CELF4: variants seen among roughly 807,000 people sequenced by gnomAD.
The protein encoded by CELF4 is CUG-BP- and ETR-3-like factor 4.
CELF4 carries 18 observed loss-of-function variants against 59.9 expected under a neutral mutation model. The ratio of observed to expected loss-of-function variants is 0.30; its 90% confidence interval spans 0.21 to 0.45. CELF4 has a LOEUF of 0.45. Ranked by LOEUF, CELF4 falls within the 20% of genes least tolerant of loss-of-function variation. CELF4 has a pLI of 1.00. For synonymous variants in CELF4, 261 were observed against 267.1 expected (o/e 0.98, Z 0.22); for missense variants, 456 against 689.0 (o/e 0.66, Z 3.79).
At chr18:37,513,378 T>A (rs1006684160) in intron 1 of CELF4, among the ~76,000 whole-genome samples, 1 of 152,154 alleles carries the variant, frequency 6.6e-6, no homozygotes, top group Non-Finnish European at 1.5e-5. Context: ...GTGAGCAAAC[T>A]GAGAGTTGGA....
intron 1 of CELF4, among the ~76,000 whole-genome samples, chr18:37,546,494 C>T (rs1011726439): frequency 2.0e-5 from 3 of 152,314 alleles, no homozygotes; most frequent in African/African-American, 4.8e-5. Context: ...TGTGGACAGA[C>T]GTGGTCCTGG....
intron 3 of CELF4, among the ~76,000 whole-genome samples, chr18:37,295,092 A>AG (rs1028230532): frequency 1.6e-3 from 241 of 152,258 alleles, no homozygotes; most frequent in African/African-American, 5.6e-3. Context: ...GAAAGCAGGG[A>AG]GGAGGCATTT....
chr18:37,249,845 AG>A (rs2064339725), intron 12 of CELF4, among the ~76,000 whole-genome samples: 1 of 152,120 alleles, frequency 6.6e-6, no homozygotes, highest in Non-Finnish European at 1.5e-5. Context: ...TCTCAAGCAA[AG>A]GAGGGCCAGG....
At chr18:37,391,910 G>A (rs1303471090) in intron 2 of CELF4, among the ~76,000 whole-genome samples, 1 of 152,184 alleles carries the variant, frequency 6.6e-6, no homozygotes, top group African/African-American at 2.4e-5. Context: ...TTTCAGCTGC[G>A]GAGTTTCGCC....
chr18:37,324,969 A>G (rs922575004), intron 2 of CELF4, among the ~76,000 whole-genome samples: 1 of 152,206 alleles, frequency 6.6e-6, no homozygotes, highest in African/African-American at 2.4e-5. Context: ...TGCTGGGAAC[A>G]GGTGGAATGG....
chr18:37,546,931 G>C (rs2099981595), intron 1 of CELF4, among the ~76,000 whole-genome samples: 1 of 152,072 alleles, frequency 6.6e-6, no homozygotes, highest in Admixed American at 6.5e-5. Flanking sequence ...CATCTCTCCT[G>C]TCCAGCACAT....
chr18:37,322,091 G>C (rs187140057), intron 2 of CELF4, among the ~76,000 whole-genome samples: 3 of 152,230 alleles, frequency 2.0e-5, no homozygotes, highest in African/African-American at 7.2e-5. Flanking sequence ...ATTCTTTCAG[G>C]GGGGTGTCTC....
chr18:37,268,561 CATCTGGCAGAGT>C (rs1371813782), intron 8 of CELF4, among the ~76,000 whole-genome samples: 2 of 152,222 alleles, frequency 1.3e-5, no homozygotes, highest in Admixed American at 1.3e-4. Context: ...ACATCATAAG[CATCTGGCAGAGT>C]ATGATGAAAA....
At chr18:37,439,975 C>G (rs1302830350) in intron 2 of CELF4, among the ~76,000 whole-genome samples, 1 of 152,174 alleles carries the variant, frequency 6.6e-6, no homozygotes, top group African/African-American at 2.4e-5. Flanking sequence ...ACTTCTGGTC[C>G]TGGGGATGGC....
intron 11 of CELF4, among the ~76,000 whole-genome samples, chr18:37,255,156 G>A (rs552182169): frequency 6.6e-5 from 10 of 152,232 alleles, no homozygotes; most frequent in Admixed American, 3.9e-4. Flanking sequence ...TCCCATGAAC[G>A]TGCCCGTTGC....
At chr18:37,524,101 C>T (rs1358260322) in intron 1 of CELF4, among the ~76,000 whole-genome samples, 1 of 152,232 alleles carries the variant, frequency 6.6e-6, no homozygotes, top group African/African-American at 2.4e-5. Flanking sequence ...TGACTGTCAC[C>T]AGGCACAGTG....
At chr18:37,513,502 A>T (rs1052769360) in intron 1 of CELF4, among the ~76,000 whole-genome samples, 1 of 152,136 alleles carries the variant, frequency 6.6e-6, no homozygotes, top group Non-Finnish European at 1.5e-5. Flanking sequence ...TTCCAAAGAG[A>T]AAGGCATGGA....
chr18:37,259,160 C>T, intron 11 of CELF4, 21 bp downstream of exon 11: 1 of 1,613,598 alleles, frequency 6.2e-7, no homozygotes, highest in Non-Finnish European at 8.5e-7. Flanking sequence ...TCCACAAACA[C>T]TTTCGAGGAG....
intron 2 of CELF4, among the ~76,000 whole-genome samples, chr18:37,434,907 G>A: frequency 6.6e-6 from 1 of 152,138 alleles, no homozygotes; most frequent in African/African-American, 2.4e-5. Flanking sequence ...CCTGAGCAGG[G>A]AAAATGGGCA....
intron 9 of CELF4, among the ~76,000 whole-genome samples, chr18:37,265,166 G>A (rs529524606): frequency 5.9e-5 from 9 of 151,746 alleles, no homozygotes; most frequent in East Asian, 3.9e-4. Context: ...ATGTGTGTGC[G>A]TGCGTGTACA....
chr18:37,390,443 T>C (rs1230034356), intron 2 of CELF4, among the ~76,000 whole-genome samples: 1 of 152,154 alleles, frequency 6.6e-6, no homozygotes, highest in South Asian at 2.1e-4. Context: ...AGGGTAGCTC[T>C]TTCAGGGCAG....
At chr18:37,562,092 A>T (rs8089968) in intron 1 of CELF4, among the ~76,000 whole-genome samples, 12 of 152,214 alleles carry the variant, frequency 7.9e-5, no homozygotes, top group South Asian at 4.1e-4. Flanking sequence ...TTACCTTTAC[A>T]GTAATCACCC....
intron 3 of CELF4, among the ~76,000 whole-genome samples, chr18:37,298,541 G>A (rs992927103): frequency 5.9e-5 from 9 of 152,098 alleles, no homozygotes; most frequent in African/African-American, 9.6e-5. Flanking sequence ...GCAACATGGC[G>A]AAACATGGCA....
chr18:37,259,455 C>T (rs1001424882), intron 10 of CELF4, among the ~76,000 whole-genome samples, 191 bp from the exon 11 acceptor site: 12 of 152,200 alleles, frequency 7.9e-5, no homozygotes, highest in Admixed American at 2.0e-4. Context: ...GTCTGAGCTC[C>T]GGTCTCTGCT....
Sources: allele counts gnomAD v4.1 joint callset (sites outside exome capture counted in the v4.1 genomes callset), GRCh38; gene constraint gnomAD v4.1.1; transcripts MANE v1.5; gene names NCBI Gene and HGNC (gene_info 2026-07-23, HGNC 2026-07-21).